Variants in NADSYN1 observed in about 807,000 individuals in gnomAD.
NADSYN1 encodes the protein glutamine-dependent NAD(+) synthetase.
Under a neutral mutation model 99.3 loss-of-function variants are expected in NADSYN1, and 80 were observed. That is an observed-to-expected ratio of 0.81 (90% CI 0.67 to 0.97). The LOEUF is 0.97. Among genes scored for constraint, NADSYN1 ranks in the 50% least tolerant of loss-of-function variants. The pLI, the probability that NADSYN1 is intolerant of heterozygous loss-of-function variation, is 0.00. For synonymous variants in NADSYN1, 385 were observed against 372.1 expected, an observed-to-expected ratio of 1.03 and a Z score of -0.40; for missense variants, 859 against 948.5, an observed-to-expected ratio of 0.91 and a Z score of 1.24.
intron 18 of NADSYN1, among the ~76,000 whole-genome samples, chr11:71,494,754 C>A (rs1348090533): frequency 1.3e-5 from 2 of 152,126 alleles, no homozygotes; most frequent in African/African-American, 2.4e-5. Flanking sequence ...GGGGTTTTTC[C>A]ATGTTGGTCA....
chr11:71,482,803 C>T, intron 13 of NADSYN1, 46 bp from the exon 14 acceptor site: 1 of 1,600,572 alleles, frequency 6.2e-7, no homozygotes, highest in African/African-American at 1.3e-5. Flanking sequence ...GTAAACATCC[C>T]ACACACTCAG....
At chr11:71,486,373 A>G (rs1403856958) in intron 16 of NADSYN1, among the ~76,000 whole-genome samples, 3 of 151,934 alleles carry the variant, frequency 2.0e-5, no homozygotes, top group Non-Finnish European at 4.4e-5. Context: ...CCACCCATCC[A>G]TATATCCACT....
chr11:71,465,257 C>A lies in NADSYN1; in HGVS notation c.407+1115C>A, dbSNP rs529939408. ...TGTGTAGGACATTGTGCCCTCAGAA[C>A]AACTGTTCATTGTTCTCCACATCTG... On this transcript the variant is annotated intron_variant, in intron 5 of 20. Coordinates refer to ENST00000319023, the MANE Select transcript of NADSYN1 (RefSeq NM_018161.5). Among the ~76,000 whole-genome samples the A allele has an allele frequency of 5.3e-5, 8 of 152,186 alleles. No homozygotes were observed. The East Asian group carries it at 1.5e-3, about 29-fold the overall frequency.
intron 13 of NADSYN1, 38 bp from the exon 14 acceptor site, chr11:71,482,811 C>T (rs1232566019): frequency 1.3e-5 from 21 of 1,607,150 alleles, no homozygotes; most frequent in Non-Finnish European, 1.8e-5. Context: ...CCCACACACT[C>T]AGGTGACTTC....
rs1036133790 is a variant in NADSYN1, at chr11:71,501,575, G to A, written c.*223G>A. 12 of 542,288 alleles carry A rather than the reference G, an allele frequency of 2.2e-5. No homozygotes were observed. The highest frequency in any genetic ancestry group is 4.9e-4 in the Middle Eastern group (1 of 2,048). 33.6% of individuals were successfully genotyped at this position (542,288 alleles called of 1,614,324 possible). A position where few individuals can be genotyped will look rare whatever the true frequency, so the allele number is the denominator to read the frequency against. On this transcript the variant is annotated 3_prime_UTR_variant, in exon 21 of 21. Transcript: ENST00000319023. ...CCAATGCACATGATTTTGACCTCCC[G>A]CCAGCGTGCGCTTCCCCGCGAAGTC... is the stretch of plus-strand genomic sequence containing the variant.
rs760888823 is a variant in NADSYN1 at position 71,455,184 on chromosome 11, CA to C, written c.146+15del. ...GCTGGAAATATGGTGAGAACAGACACAGACACCCTGGGGTCGTCAGCTAGCG... is the reference window on the plus strand; with the variant it reads ...GCTGGAAATATGGTGAGAACAGACACGACACCCTGGGGTCGTCAGCTAGCG... On this transcript the variant is annotated intron_variant, in intron 2 of 20. Coordinates refer to ENST00000319023, the MANE Select transcript of NADSYN1 (RefSeq NM_018161.5). 2.2e-5 allele frequency: 36 copies of C among 1,609,930 alleles called. No homozygotes were observed. In the South Asian group the frequency reaches 3.9e-4, roughly 17 times the overall value.
intron 3 of NADSYN1, chr11:71,460,943 A>G (rs1343367712): frequency 6.6e-6 from 1 of 152,216 alleles, no homozygotes. Flanking sequence ...ATAGTTTTTT[A>G]AAAACGACTG....
chr11:71,497,729 G>C lies in NADSYN1; in HGVS notation c.1893+118G>C. On this transcript the variant is annotated intron_variant, in intron 19 of 20. Transcript: ENST00000319023. ...AGTGTGACCCTAACGTAATAAAACT[G>C]TATCTCACACAGTAACACTTTTCAG... is the stretch of plus-strand genomic sequence containing the variant. 3 of 1,314,706 alleles carry C rather than the reference G, an allele frequency of 2.3e-6. 1 individual carries two copies. The highest frequency in any genetic ancestry group is 3.2e-6 in the Non-Finnish European group (3 of 940,784). 81.4% of individuals were successfully genotyped at this position (1,314,706 alleles called of 1,614,324 possible).
rs770145993 is a variant in NADSYN1 at position 71,497,260 on chromosome 11, C to T, written c.1765-223C>T. ...GCTCCTTGGTGAGCCACCGTTCACC[C>T]GTTACGGTCCTCCAAACCAAATGCC... On this transcript the variant is annotated intron_variant, in intron 18 of 20. Transcript: ENST00000319023. 1.1e-4 allele frequency: 58 copies of T among 539,760 alleles called. No homozygotes were observed. The Middle Eastern group carries it at 1.5e-3, about 14-fold the overall frequency. 33.4% of individuals were successfully genotyped at this position (539,760 alleles called of 1,614,324 possible). A position where few individuals can be genotyped will look rare whatever the true frequency, so the allele number is the denominator to read the frequency against.
intron 5 of NADSYN1, among the ~76,000 whole-genome samples, chr11:71,466,362 T>C (rs1949589723): frequency 6.6e-6 from 1 of 152,190 alleles, no homozygotes; most frequent in African/African-American, 2.4e-5. Flanking sequence ...GTCCCCTGTC[T>C]CCCAGGCCTA....
At chr11:71,495,239 C>A (rs563692492) in intron 18 of NADSYN1, among the ~76,000 whole-genome samples, 1 of 152,198 alleles carries the variant, frequency 6.6e-6, no homozygotes, top group Non-Finnish European at 1.5e-5. Context: ...TTTCATTTAT[C>A]AAAGTATTTT....
At chr11:71,465,243 T>C (rs562813602) in intron 5 of NADSYN1, among the ~76,000 whole-genome samples, 3 of 152,174 alleles carry the variant, frequency 2.0e-5, no homozygotes, top group East Asian at 3.9e-4. Flanking sequence ...GTGTAGGACA[T>C]TGTGCCCTCA....
At chr11:71,498,281 A>T in intron 19 of NADSYN1, 71 bp from the exon 20 acceptor site, 1 of 1,555,094 alleles carries the variant, frequency 6.4e-7, no homozygotes, top group Non-Finnish European at 8.8e-7. Context: ...TGTATGATCC[A>T]GCATGGGAAT....
Position 71,490,848 on chromosome 11 carries a change from C to G in NADSYN1, c.1566C>G (p.Leu522=). The change falls in exon 17 of 21, where the codon CTC becomes CTG. Residue 522 remains leucine, a synonymous_variant. Coordinates refer to ENST00000319023, the MANE Select transcript of NADSYN1 (RefSeq NM_018161.5). ...VLGSANVDES[L]LGYLTKYDCS... The stretch of plus-strand genomic sequence containing the variant: ...CTCTTTCTCCCTCTCCCTGCAGTCT[C>G]CTGGGCTACCTGACCAAGTACGACT... The G allele has an allele frequency of 1.2e-6, 2 of 1,614,204 alleles. No homozygotes were observed. The highest frequency in any genetic ancestry group is 1.7e-6 in the Non-Finnish European group (2 of 1,180,018).
At chr11:71,497,446 T>G in intron 18 of NADSYN1, 37 bp from the exon 19 acceptor site, 1 of 1,613,668 alleles carries the variant, frequency 6.2e-7, no homozygotes, top group East Asian at 2.2e-5. Context: ...CCGCTGTGAC[T>G]TGCTGTCATC....
chr11:71,458,571 G>T, intron 3 of NADSYN1, 27 bp downstream of exon 3: 15 of 1,532,368 alleles, frequency 9.8e-6, no homozygotes, highest in Non-Finnish European at 1.4e-5. Context: ...GTGTGGAAGG[G>T]CAAACCTGGG....
At position 71,464,149 on chromosome 11, in the gene NADSYN1, C is replaced by CG. The variant is rs754399692; in HGVS notation, c.407+10dup. 6.2e-7 allele frequency: 1 copy of CG among 1,600,562 alleles called. No homozygotes were observed. Among genetic ancestry groups the CG allele is most frequent in the Admixed American group, 1.7e-5 (1 of 58,376 alleles). ...CCCCGTGGTCGAGGAGTCGGTGAGT[C>CG]GGGTGCCTGACCACTCCTGGGATGT... On this transcript the variant is annotated splice_region_variant and intron_variant, in intron 5 of 20. Transcript: ENST00000319023.
At chr11:71,491,792 C>G in intron 17 of NADSYN1, 42 bp from the exon 18 acceptor site, 1 of 1,593,696 alleles carries the variant, frequency 6.3e-7, no homozygotes, top group Non-Finnish European at 8.6e-7. Flanking sequence ...TCACACCACC[C>G]TCGCAGCTGC....
intron 8 of NADSYN1, among the ~76,000 whole-genome samples, chr11:71,473,888 A>G (rs1042718555): frequency 7.9e-5 from 12 of 152,292 alleles, no homozygotes; most frequent in African/African-American, 2.4e-4. Flanking sequence ...CAGCCACCCT[A>G]TGAAGCAACC....
Sources: gnomAD v4.1 joint callset for allele counts (sites outside exome capture counted in the v4.1 genomes callset) on GRCh38, gnomAD v4.1.1 for gene constraint, MANE v1.5 for transcripts, NCBI Gene and HGNC (gene_info 2026-07-23, HGNC 2026-07-21) for gene names.